BNC2: variants seen among roughly 807,000 people sequenced by gnomAD.
BNC2 encodes zinc finger protein basonuclin-2.
BNC2 carries 20 observed loss-of-function variants against 76.3 expected under a neutral mutation model. The observed-to-expected ratio is 0.26, with a 90% CI of 0.18 to 0.38. The LOEUF (loss-of-function observed/expected upper bound fraction) is 0.38. Among genes scored for constraint, BNC2 ranks in the 10% least tolerant of loss-of-function variants. BNC2 has a pLI of 1.00. For synonymous variants in BNC2, 582 were observed against 514.8 expected, an observed-to-expected ratio of 1.13 and a Z score of -1.77; for missense variants, 1,382 against 1,399.8, an observed-to-expected ratio of 0.99 and a Z score of 0.20.
At chr9:16,697,506 G>A (rs1202314640) in intron 3 of BNC2, among the ~76,000 whole-genome samples, 1 of 152,148 alleles carries the variant, frequency 6.6e-6, no homozygotes. Context: ...TGGACTGCTT[G>A]AGGCCAGGAG....
At chr9:16,866,710 A>G (rs1450534112) in intron 1 of BNC2, among the ~76,000 whole-genome samples, 1 of 151,620 alleles carries the variant, frequency 6.6e-6, no homozygotes, top group Admixed American at 6.6e-5. Flanking sequence ...CCCAGCCTCA[A>G]CACTGAGCCA....
chr9:16,675,460 A>AT (rs1822611031), intron 3 of BNC2, among the ~76,000 whole-genome samples: 1 of 152,088 alleles, frequency 6.6e-6, no homozygotes, highest in African/African-American at 2.4e-5. Flanking sequence ...GCCTTTTGCC[A>AT]TGTTGCCCAC....
chr9:16,532,509 T>C (rs1320110015), intron 5 of BNC2, among the ~76,000 whole-genome samples: 1 of 152,152 alleles, frequency 6.6e-6, no homozygotes, highest in Non-Finnish European at 1.5e-5. Context: ...CAGAAATGGT[T>C]TTGTGCAGTA....
intron 6 of BNC2, chr9:16,421,265 G>C: frequency 7.7e-7 from 1 of 1,300,500 alleles, no homozygotes; most frequent in Non-Finnish European, 1.0e-6. Flanking sequence ...AGCTTACCTT[G>C]TGACAATAAG....
chr9:16,802,306 A>C (rs1426624983), intron 1 of BNC2, among the ~76,000 whole-genome samples: 1 of 152,202 alleles, frequency 6.6e-6, no homozygotes, highest in Non-Finnish European at 1.5e-5. Flanking sequence ...CTAATGGACC[A>C]ACAGTCCACT....
At chr9:16,650,619 A>G (rs1405145372) in intron 3 of BNC2, among the ~76,000 whole-genome samples, 1 of 152,106 alleles carries the variant, frequency 6.6e-6, no homozygotes, top group African/African-American at 2.4e-5. Flanking sequence ...GGCATTTCAG[A>G]CCAAAGTCTG....
intron 1 of BNC2, among the ~76,000 whole-genome samples, chr9:16,823,100 T>C (rs550104397): frequency 1.6e-4 from 25 of 152,300 alleles, no homozygotes; most frequent in African/African-American, 4.3e-4. Flanking sequence ...TACTAGGAAA[T>C]TGAGCTAAGT....
intron 4 of BNC2, among the ~76,000 whole-genome samples, chr9:16,566,739 G>C (rs961152030): frequency 6.6e-6 from 1 of 152,178 alleles, no homozygotes; most frequent in Admixed American, 6.5e-5. Flanking sequence ...TATAGAAAAA[G>C]GTGTAGTATA....
chr9:16,694,641 A>T (rs1823282343), intron 3 of BNC2, among the ~76,000 whole-genome samples: 1 of 152,216 alleles, frequency 6.6e-6, no homozygotes, highest in Non-Finnish European at 1.5e-5. Context: ...AAGATCAATG[A>T]ATCAACACGG....
intron 1 of BNC2, among the ~76,000 whole-genome samples, chr9:16,777,444 T>C (rs963947317): frequency 2.0e-5 from 3 of 152,104 alleles, no homozygotes; most frequent in African/African-American, 4.8e-5. Context: ...CTCACGCCTG[T>C]AATCCCAGCA....
At chr9:16,736,199 A>G (rs1215824824) in intron 2 of BNC2, among the ~76,000 whole-genome samples, 3 of 149,392 alleles carry the variant, frequency 2.0e-5, no homozygotes, top group South Asian at 4.2e-4. Flanking sequence ...GCGCCACTGC[A>G]CTCCACTCTG....
chr9:16,840,415 G>C (rs1818798404), intron 1 of BNC2, among the ~76,000 whole-genome samples: 1 of 152,138 alleles, frequency 6.6e-6, no homozygotes, highest in African/African-American at 2.4e-5. Context: ...AGTTAACATG[G>C]CGTCTCCCCC....
At chr9:16,660,975 C>T (rs1822094697) in intron 3 of BNC2, among the ~76,000 whole-genome samples, 1 of 152,102 alleles carries the variant, frequency 6.6e-6, no homozygotes, top group Admixed American at 6.5e-5. Flanking sequence ...GGTCCTGGAA[C>T]CAATTCTCTA....
intron 1 of BNC2, among the ~76,000 whole-genome samples, chr9:16,789,776 C>T (rs966307429): frequency 3.3e-5 from 5 of 152,188 alleles, no homozygotes; most frequent in Non-Finnish European, 5.9e-5. Context: ...CTCTGAGAAA[C>T]GAACTACTAT....
In BNC2 at chr9:16,727,798, T is replaced by A; in HGVS notation, c.329A>T (p.Gln110Leu). ...AAATCAAGAAAGAAAGTAACTTACC[T>A]GTTGGGACATTCTGAATAAGAGGTT... ...DTNLLFRMSQ[Q>L]AIRCTLVNCT... The change falls in exon 3 of 7, where the codon CAG becomes CTG. Residue 110 changes from glutamine (Q) to leucine (L), a missense_variant and splice_region_variant. Physicochemically the swap from Gln to Leu is moderately radical, Grantham distance 113. Transcript: ENST00000380672. 6.2e-7 allele frequency: 1 copy of A among 1,613,132 alleles called. No individual in the cohort carries two copies. The highest frequency in any genetic ancestry group is 8.5e-7 in the Non-Finnish European group (1 of 1,179,362).
chr9:16,827,276 G>A (rs145810827), intron 1 of BNC2, among the ~76,000 whole-genome samples: 18 of 152,316 alleles, frequency 1.2e-4, no homozygotes, highest in South Asian at 6.2e-4. Context: ...GAAACACATG[G>A]AAAAGCGACA....
At chr9:16,464,239 C>T (rs759584207) in intron 5 of BNC2, among the ~76,000 whole-genome samples, 1 of 152,064 alleles carries the variant, frequency 6.6e-6, no homozygotes, top group Non-Finnish European at 1.5e-5. Context: ...TTCATTTTCT[C>T]TCCAGGCTGA....
chr9:16,781,905 A>G lies in BNC2; in HGVS notation c.4-43420T>C, dbSNP rs1826163921. Among the ~76,000 whole-genome samples the G allele has an allele frequency of 2.0e-5, 3 of 152,174 alleles. No individual in the cohort carries two copies. In the South Asian group the frequency reaches 6.2e-4, roughly 32 times the overall value. ...ATATCATCTCAATTTTATAAAACCA[A>G]AGATGGAAAGGAGAAAACTGGTAAG... On this transcript the variant is annotated intron_variant, in intron 1 of 6. Transcript: ENST00000380672.
At chr9:16,849,381 T>C (rs1346521498) in intron 1 of BNC2, among the ~76,000 whole-genome samples, 9 of 121,942 alleles carry the variant, frequency 7.4e-5, no homozygotes, top group African/African-American at 2.6e-4. Flanking sequence ...TTTTTTGAGA[T>C]GGAGTCTCCC....
Sources: gnomAD v4.1 joint callset for allele counts (sites outside exome capture counted in the v4.1 genomes callset) on GRCh38, gnomAD v4.1.1 for gene constraint, MANE v1.5 for transcripts, NCBI Gene and HGNC (gene_info 2026-07-23, HGNC 2026-07-21) for gene names.